The following DNAH17 variants were observed in gnomAD, a reference collection of about 807,000 sequenced individuals.
DNAH17 encodes the protein dynein axonemal heavy chain 17.
In DNAH17, 376 loss-of-function variants were observed where a neutral mutation model predicts 485.6. The observed-to-expected ratio is 0.77, with a 90% CI of 0.71 to 0.84. The LOEUF is 0.84. Ranked by LOEUF, DNAH17 falls within the 40% of genes least tolerant of loss-of-function variation. DNAH17 has a pLI of 0.00. For synonymous variants in DNAH17, 3,031 were observed against 2,405.9 expected, an observed-to-expected ratio of 1.26 and a Z score of -7.60; for missense variants, 6,370 against 5,839.3, an observed-to-expected ratio of 1.09 and a Z score of -2.96.
rs756334417 is a variant in DNAH17, at chr17:78,427,032, G to A, written c.12665C>T (p.Ala4222Val). ...GACTACCACGTAGGGGGTCTTTTCC[G>A]CTGCCTTTGCCATGATCTCAGCCAT... The part of the protein sequence containing the change: ...FNMAEIMAKA[A>V]EKTPYVVVAF... The change falls in exon 78 of 81, where the codon GCG becomes GTG. Residue 4222 changes from alanine to valine, a missense_variant. Transcript: ENST00000389840. 1.2e-5 allele frequency: 20 copies of A among 1,604,866 alleles called. No individual in the cohort carries two copies. Among genetic ancestry groups the A allele is most frequent in the Middle Eastern group, 1.6e-4 (1 of 6,082 alleles).
chr17:78,573,032 C>A (rs1010357470), intron 2 of DNAH17, 138 bp from the exon 3 acceptor site: 5 of 698,452 alleles, frequency 7.2e-6, no homozygotes, highest in African/African-American at 1.8e-5. Flanking sequence ...AGAGCCAGGT[C>A]CCCAGGGGGA....
chr17:78,502,446 G>GGGCAA, intron 33 of DNAH17, 145 bp downstream of exon 33: 1 of 727,378 alleles, frequency 1.4e-6, no homozygotes, highest in East Asian at 2.8e-5. Flanking sequence ...TTGGCCTGTG[G>GGGCAA]AAACGACGGT....
In DNAH17 at chr17:78,498,997, G is replaced by A. The variant is rs1232805037; in HGVS notation, c.5745+11C>T. 3.1e-6 allele frequency: 5 copies of A among 1,597,796 alleles called. No homozygotes were observed. Among genetic ancestry groups the A allele is most frequent in the South Asian group, 2.3e-5 (2 of 88,570 alleles). ...CGACGTGACCCCGAGGCCGCAGGCA[G>A]GGGACTTTACCTGCACGGCAATCAC... On this transcript the variant is annotated intron_variant, in intron 37 of 80. Coordinates refer to ENST00000389840, the MANE Select transcript of DNAH17 (RefSeq NM_173628.4).
chr17:78,539,866 T>G lies in DNAH17; in HGVS notation c.2547A>C (p.Leu849=), dbSNP rs7221209. The G allele has an allele frequency of 8.8e-6, 14 of 1,596,370 alleles. No individual in the cohort carries two copies. The highest frequency in any genetic ancestry group is 3.6e-5 in the Admixed American group (2 of 55,456). ...IQAMVAENAE[L]FRADTLSLPW... Reference sequence around the variant, plus strand: ...GCAGGCTCAGTGTGTCTGCCCTGAATAGTTCTGCGTTTTCCTGCAAACAGA... The same window carrying G: ...GCAGGCTCAGTGTGTCTGCCCTGAAGAGTTCTGCGTTTTCCTGCAAACAGA... The change falls in exon 18 of 81, where the codon CTA becomes CTC. Residue 849 remains leucine (L), a synonymous_variant. Transcript: ENST00000389840.
chr17:78,502,517 A>C, intron 33 of DNAH17, 74 bp downstream of exon 33: 5 of 1,379,868 alleles, frequency 3.6e-6, no homozygotes, highest in Non-Finnish European at 4.9e-6. Flanking sequence ...AGGTTTCAGA[A>C]GGATACACGG....
At chr17:78,456,285 C>T (rs2087796313) in intron 62 of DNAH17, among the ~76,000 whole-genome samples, 2 of 152,094 alleles carry the variant, frequency 1.3e-5, no homozygotes, top group Admixed American at 1.3e-4. Flanking sequence ...GGTAACAGAG[C>T]AAGACTTCAT....
intron 41 of DNAH17, among the ~76,000 whole-genome samples, chr17:78,493,568 C>T (rs1038813581): frequency 7.2e-5 from 11 of 152,194 alleles, no homozygotes; most frequent in Non-Finnish European, 5.9e-5. Flanking sequence ...ATGTGACTGG[C>T]GGTGGGAGTG....
rs2088137051 is a variant in DNAH17, at chr17:78,461,718, G to A, written c.9175-10C>T. On this transcript the variant is annotated splice_polypyrimidine_tract_variant and intron_variant, in intron 57 of 80. Transcript: ENST00000389840. ...CTTTCAAATCATCCACCTGGGGAAG[G>A]AGAAACCGAGAAACAGCAAGTGTGG... 3.1e-6 allele frequency: 5 copies of A among 1,604,786 alleles called. No individual in the cohort carries two copies. The Admixed American group carries it at 5.1e-5, about 16-fold the overall frequency.
At position 78,494,618 on chromosome 17, in the gene DNAH17, C is replaced by T. The variant is rs533663865; in HGVS notation, c.6245G>A (p.Arg2082Gln). 1.9e-5 allele frequency: 31 copies of T among 1,613,826 alleles called. No homozygotes were observed. The highest frequency in any genetic ancestry group is 1.0e-4 in the Admixed American group (6 of 60,016). ...CTTTTCAAAATTCAGGTCCCGTTTC[C>T]GAGGCACGTCCAGAGCCGGGAAGAG... is the stretch of plus-strand genomic sequence containing the variant. ...GDLFPALDVP[R>Q]KRDLNFEKII... Residue 2082 changes from arginine to glutamine, a missense_variant, in exon 40 of 81, where the codon CGG (arginine) becomes CAG (glutamine). Transcript: ENST00000389840.
chr17:78,494,837 C>A lies in DNAH17; in HGVS notation c.6043-17G>T, dbSNP rs1426826359. On this transcript the variant is annotated splice_polypyrimidine_tract_variant and intron_variant, in intron 39 of 80. Transcript: ENST00000389840. The stretch of plus-strand genomic sequence containing the variant: ...GTAATGATCCTGCGGGCAGTGGGCA[C>A]AGGTGGGCAGACGTGAGCTCACCTT... The A allele has an allele frequency of 1.9e-6, 3 of 1,587,320 alleles. No homozygotes were observed. The highest frequency in any genetic ancestry group is 2.6e-6 in the Non-Finnish European group (3 of 1,163,988).
chr17:78,540,605 T>C (rs12051849), intron 17 of DNAH17, among the ~76,000 whole-genome samples: 50,254 of 70,130 alleles, frequency 0.72, 18,792 homozygotes, highest in African/African-American at 0.73. Context: ...GGTGAATGAA[T>C]AGATGAATAG....
chr17:78,561,602 G>C, intron 12 of DNAH17, 113 bp downstream of exon 12: 2 of 1,300,508 alleles, frequency 1.5e-6, no homozygotes, highest in Non-Finnish European at 2.0e-6. Context: ...TGCTCTGGGA[G>C]GTAACAGTCT....
intron 22 of DNAH17, among the ~76,000 whole-genome samples, chr17:78,527,414 T>G (rs79516318): frequency 6.6e-6 from 1 of 152,210 alleles, no homozygotes; most frequent in African/African-American, 2.4e-5. Flanking sequence ...ACCAGCCTCC[T>G]TAATGGCGAA....
rs186545953 is a variant in DNAH17, at chr17:78,495,181, G to A, written c.5904-84C>T. The stretch of plus-strand genomic sequence containing the variant: ...TGCCTGTCCCTCTTCACCTAGGAGA[G>A]CACACCTCGACTGCCAGGTAGACCA... On this transcript the variant is annotated intron_variant, in intron 38 of 80. Transcript: ENST00000389840. 5.1e-4 allele frequency: 743 copies of A among 1,456,742 alleles called. 3 individuals carry two copies. The African/African-American group carries it at 9.1e-3, about 18-fold the overall frequency. 90.2% of individuals were successfully genotyped at this position (1,456,742 alleles called of 1,614,324 possible).
At chr17:78,458,732 C>A (rs909137207) in intron 61 of DNAH17, 52 bp from the exon 62 acceptor site, 8 of 1,494,974 alleles carry the variant, frequency 5.4e-6, no homozygotes, top group Non-Finnish European at 7.5e-6. Flanking sequence ...GCATCTCTAG[C>A]CCCCTGCAGC....
Position 78,505,399 on chromosome 17 carries a change from T to C in DNAH17, c.4850A>G (p.Lys1617Arg). ...SKLFDSLCKL[K>R]FRLDASDKPL... The stretch of plus-strand genomic sequence containing the variant: ...TTTGTCACTGGCATCGAGCCGGAAC[T>C]TCAGTTTACACAGGCTATCGAAGAG... The change falls in exon 31 of 81, where the codon AAG (lysine) becomes AGG (arginine). Residue 1617 changes from lysine to arginine, a missense_variant. Coordinates refer to ENST00000389840, the MANE Select transcript of DNAH17 (RefSeq NM_173628.4). 2 of 1,613,986 alleles carry C rather than the reference T, an allele frequency of 1.2e-6. No individual in the cohort carries two copies. Among genetic ancestry groups the C allele is most frequent in the Non-Finnish European group, 1.7e-6 (2 of 1,179,890 alleles).
At chr17:78,514,194 C>T (rs890187199) in intron 26 of DNAH17, among the ~76,000 whole-genome samples, 3 of 152,108 alleles carry the variant, frequency 2.0e-5, no homozygotes, top group African/African-American at 4.8e-5. Context: ...AATGGAAATG[C>T]GGGAACTCCT....
At chr17:78,444,123 G>A (rs1490676952) in intron 71 of DNAH17, among the ~76,000 whole-genome samples, 2 of 152,166 alleles carry the variant, frequency 1.3e-5, no homozygotes, top group Non-Finnish European at 2.9e-5. Flanking sequence ...TGCCACAGAG[G>A]TACTCAAAGT....
intron 52 of DNAH17, among the ~76,000 whole-genome samples, chr17:78,476,256 C>A (rs142263862): frequency 3.9e-5 from 5 of 129,270 alleles, no homozygotes; most frequent in Admixed American, 7.7e-5. Flanking sequence ...CCCACAGCCA[C>A]GTGCCAGAGT....
Sources: allele counts gnomAD v4.1 joint callset (sites outside exome capture counted in the v4.1 genomes callset), GRCh38; gene constraint gnomAD v4.1.1; transcripts MANE v1.5; gene names NCBI Gene and HGNC (gene_info 2026-07-23, HGNC 2026-07-21).